CAMTA1: variants seen among roughly 807,000 people sequenced by gnomAD.
CAMTA1 encodes the protein calmodulin binding transcription activator 1.
Under a neutral mutation model 170.9 loss-of-function variants are expected in CAMTA1, and 27 were observed. The ratio of observed to expected loss-of-function variants is 0.16; its 90% CI spans 0.12 to 0.22. CAMTA1 has a LOEUF of 0.22. CAMTA1 is among the 10% of genes least tolerant of loss of function. The probability of loss-of-function intolerance (pLI) is 1.00; values close to 1 mark genes in which losing one functional copy is unlikely to be tolerated. For missense variants in CAMTA1, 1,619 were observed against 2,217.2 expected, an observed-to-expected ratio of 0.73 and a Z score of 5.42; for synonymous variants, 833 against 891.5, an observed-to-expected ratio of 0.93 and a Z score of 1.17.
rs59402168 is a variant in CAMTA1, at chr1:7,768,113, T to TAAAAAA, written c.*1635_*1640dup. 1 of 136,242 alleles carries TAAAAAA rather than the reference T, an allele frequency of 7.3e-6. No homozygotes were observed. The highest frequency in any genetic ancestry group is 1.6e-5 in the Non-Finnish European group (1 of 63,618). 8.4% of individuals were successfully genotyped at this position (136,242 alleles called of 1,614,324 possible). A position where few individuals can be genotyped will look rare whatever the true frequency, so the allele number is the denominator to read the frequency against. ...CTCCAACAAAGAACACTTAGAATGA[T>TAAAAAA]AAAAAAAAAAAAAAAAAACCTGACA... On this transcript the variant is annotated 3_prime_UTR_variant, in exon 23 of 23. Transcript: ENST00000303635.
intron 4 of CAMTA1, among the ~76,000 whole-genome samples, chr1:7,130,898 A>G (rs550450060): frequency 1.3e-5 from 2 of 152,132 alleles, no homozygotes; most frequent in East Asian, 3.9e-4. Flanking sequence ...TTTAGATATG[A>G]ATTCTTTGTT....
rs571836331 is a variant in CAMTA1 at position 7,681,100 on chromosome 1, A to G, written c.2914+3367A>G. On this transcript the variant is annotated intron_variant, in intron 11 of 22. Coordinates refer to ENST00000303635, the MANE Select transcript of CAMTA1 (RefSeq NM_015215.4). The surrounding 1 kb of genome is among the most constrained non-coding windows in gnomAD (Gnocchi z 4.6). ...GGGAGGAGGAATCGCAGCCTTCTGGATCCCGGAGCTGCAGCGCCTCCCCCA... is the reference window on the plus strand; with the variant it reads ...GGGAGGAGGAATCGCAGCCTTCTGGGTCCCGGAGCTGCAGCGCCTCCCCCA... 2.6e-4 allele frequency among the ~76,000 whole-genome samples: 39 copies of G among 152,154 alleles called. 1 individual carries two copies. Among genetic ancestry groups the G allele is most frequent in the Admixed American group, 7.8e-4 (12 of 15,294 alleles).
chr1:7,432,786 T>C (rs1195276229), intron 5 of CAMTA1, among the ~76,000 whole-genome samples: 1 of 152,226 alleles, frequency 6.6e-6, no homozygotes, highest in Non-Finnish European at 1.5e-5. Context: ...GTTATCTCTA[T>C]TCAGGGCCCT....
At chr1:7,704,219 C>T (rs955606049) in intron 11 of CAMTA1, among the ~76,000 whole-genome samples, 4 of 147,336 alleles carry the variant, frequency 2.7e-5, no homozygotes, top group Admixed American at 2.7e-4. Context: ...AACGCGGGCC[C>T]TCGGCGCGGA....
chr1:7,382,800 C>G (rs953027775), intron 5 of CAMTA1: 1 of 151,600 alleles, frequency 6.6e-6, no homozygotes, highest in Admixed American at 6.6e-5. Context: ...GCAGTGATTT[C>G]TTAGCCTAGA....
rs2092586631 is a variant in CAMTA1, at chr1:7,443,006, G to A, written c.439-24824G>A. Among the ~76,000 whole-genome samples the A allele has an allele frequency of 6.6e-6, 1 of 151,618 alleles. No individual in the cohort carries two copies. The highest frequency in any genetic ancestry group is 1.5e-5 in the Non-Finnish European group (1 of 67,768). On this transcript the variant is annotated intron_variant, in intron 5 of 22. Coordinates refer to ENST00000303635, the MANE Select transcript of CAMTA1 (RefSeq NM_015215.4). The surrounding 1 kb of genome is among the most constrained non-coding windows in gnomAD (Gnocchi z 4.1). ...GACTCAGGATGTCCTTTCCATCCCT[G>A]TCTTTGAACACTTCTTCCTGCCTGT...
intron 5 of CAMTA1, among the ~76,000 whole-genome samples, chr1:7,395,148 G>T (rs768457924): frequency 2.6e-5 from 4 of 152,204 alleles, no homozygotes; most frequent in Non-Finnish European, 5.9e-5. Context: ...CTCCCAAAGT[G>T]CTGGGATTAC....
chr1:7,450,353 T>A (rs916518033), intron 5 of CAMTA1, among the ~76,000 whole-genome samples: 47 of 152,184 alleles, frequency 3.1e-4, no homozygotes, highest in African/African-American at 1.1e-3. Context: ...CTGGGGAGAC[T>A]TCCCTAAAAA....
At chr1:7,336,398 C>T (rs1374451073) in intron 5 of CAMTA1, among the ~76,000 whole-genome samples, 1 of 152,354 alleles carries the variant, frequency 6.6e-6, no homozygotes, top group East Asian at 1.9e-4. Flanking sequence ...AACTTGCAAA[C>T]CCAGACCAGG....
intron 1 of CAMTA1, among the ~76,000 whole-genome samples, chr1:6,806,633 A>C (rs187240890): frequency 6.6e-6 from 1 of 152,350 alleles, no homozygotes; most frequent in East Asian, 1.9e-4. Flanking sequence ...TAAGAGAGCA[A>C]ACAGCTCTTC....
At chr1:7,060,588 G>C (rs1221867891) in intron 3 of CAMTA1, among the ~76,000 whole-genome samples, 1 of 152,224 alleles carries the variant, frequency 6.6e-6, no homozygotes, top group Non-Finnish European at 1.5e-5. Flanking sequence ...CCCTTAGGGT[G>C]GTTGCTTTTC....
At chr1:7,406,258 T>C (rs1270121194) in intron 5 of CAMTA1, among the ~76,000 whole-genome samples, 1 of 152,170 alleles carries the variant, frequency 6.6e-6, no homozygotes, top group East Asian at 1.9e-4. Context: ...GAACCAGCTT[T>C]TACAGTATCC....
At chr1:7,656,626 C>T (rs1461223286) in intron 7 of CAMTA1, among the ~76,000 whole-genome samples, 3 of 152,250 alleles carry the variant, frequency 2.0e-5, no homozygotes, top group African/African-American at 4.8e-5. Flanking sequence ...AGCTCTCCGC[C>T]GCTTCCCAAG....
chr1:7,081,610 A>G (rs185392979), intron 3 of CAMTA1, among the ~76,000 whole-genome samples: 11 of 152,280 alleles, frequency 7.2e-5, no homozygotes, highest in Admixed American at 2.0e-4. Context: ...CAATGCCATA[A>G]ATATCAGAGT....
At chr1:7,737,030 G>GC (rs747988444) in intron 14 of CAMTA1, 21 bp downstream of exon 14, 113 of 1,567,448 alleles carry the variant, frequency 7.2e-5, no homozygotes, top group Middle Eastern at 3.3e-4. Context: ...GATTCCTGTA[G>GC]CCCCCCCTTG....
rs368571122 is a variant in CAMTA1, at chr1:7,227,628, C to T, written c.303-21863C>T. Reference sequence around the variant, plus strand: ...ACAGGCATGAGCCATTGCTCCCAGCCGAACTCATCCCTTTGTAAACGTCAA... The same window carrying T: ...ACAGGCATGAGCCATTGCTCCCAGCTGAACTCATCCCTTTGTAAACGTCAA... On this transcript the variant is annotated intron_variant, in intron 4 of 22. Coordinates refer to ENST00000303635, the MANE Select transcript of CAMTA1 (RefSeq NM_015215.4). 4.6e-5 allele frequency among the ~76,000 whole-genome samples: 7 copies of T among 152,198 alleles called. No homozygotes were observed. The East Asian group carries it at 7.7e-4, about 17-fold the overall frequency.
At chr1:6,948,771 A>G (rs993256055) in intron 3 of CAMTA1, among the ~76,000 whole-genome samples, 1 of 152,216 alleles carries the variant, frequency 6.6e-6, no homozygotes, top group African/African-American at 2.4e-5. Flanking sequence ...TACTCAGCTC[A>G]GAAATGGCAG....
chr1:7,586,768 A>G (rs566693739), intron 6 of CAMTA1, among the ~76,000 whole-genome samples: 2 of 152,222 alleles, frequency 1.3e-5, no homozygotes, highest in East Asian at 3.9e-4. Context: ...AGATGTGACC[A>G]GGAAGATAGG....
chr1:7,403,791 T>C (rs2090091506), intron 5 of CAMTA1, among the ~76,000 whole-genome samples: 1 of 152,156 alleles, frequency 6.6e-6, no homozygotes, highest in Admixed American at 6.5e-5. Flanking sequence ...CTGGCTTCTG[T>C]GCTGAGGCTT....
Sources: allele counts gnomAD v4.1 joint callset (sites outside exome capture counted in the v4.1 genomes callset), GRCh38; gene constraint gnomAD v4.1.1; non-coding constraint Gnocchi (gnomAD v3.1); transcripts MANE v1.5; gene names NCBI Gene and HGNC (gene_info 2026-07-23, HGNC 2026-07-21).